The following LAMC3 variants were observed in gnomAD, a reference collection of about 807,000 sequenced individuals.
LAMC3 encodes the protein laminin subunit gamma-3.
In LAMC3, 128 loss-of-function variants were observed where a neutral mutation model predicts 173.8. The ratio of observed to expected loss-of-function variants is 0.74; its 90% CI spans 0.64 to 0.85. The LOEUF is 0.85. Among genes scored for constraint, LAMC3 ranks in the 40% least tolerant of loss-of-function variants. LAMC3 has a pLI of 0.00. For synonymous variants in LAMC3, 897 were observed against 909.1 expected, an observed-to-expected ratio of 0.99 and a Z score of 0.24; for missense variants, 2,022 against 2,156.0, an observed-to-expected ratio of 0.94 and a Z score of 1.23.
At chr9:131,062,570 A>G (rs2133302173) in intron 13 of LAMC3, among the ~76,000 whole-genome samples, 1 of 151,672 alleles carries the variant, frequency 6.6e-6, no homozygotes, top group East Asian at 2.0e-4. Context: ...AACCGTACCC[A>G]TCAAATGTGT....
rs776415186 is a variant in LAMC3 at position 131,026,569 on chromosome 9, G to A, written c.658G>A (p.Glu220Lys). The A allele has an allele frequency of 1.6e-5, 25 of 1,601,658 alleles. No homozygotes were observed. The highest frequency in any genetic ancestry group is 2.2e-5 in the South Asian group (2 of 89,896). The change falls in exon 2 of 28, where the codon GAG (glutamate) becomes AAG (lysine). Residue 220 changes from glutamate (E) to lysine (K), a missense_variant. Physicochemically the swap from Glu to Lys is moderately conservative, Grantham distance 56. Transcript: ENST00000361069. This position sits in a 1 kb window ranked among gnomAD's most constrained non-coding sequence, Gnocchi z 4.8. ...LEGRPSAYNF[E>K]ESPGLQEWVT... The stretch of plus-strand genomic sequence containing the variant: ...GGGCCGGCCCAGCGCCTACAACTTC[G>A]AGGAGAGCCCTGGGCTGCAGGTCAG...
chr9:131,089,544 A>ATTT lies in LAMC3; in HGVS notation c.4477+1745_4477+1747dup, dbSNP rs59946569. Among the ~76,000 whole-genome samples the ATTT allele has an allele frequency of 2.8e-4, 39 of 139,188 alleles. 1 individual carries two copies. In the South Asian group the frequency reaches 8.1e-3, roughly 29 times the overall value. 91.3% of individuals were successfully genotyped at this position (139,188 alleles called of 152,430 possible). A position where few individuals can be genotyped will look rare whatever the true frequency, so the allele number is the denominator to read the frequency against. ...AGGCACGCACCACCACACCCAGCTA[A>ATTT]TTTTTTTTTTTTTTTTTTTTGGAGA... On this transcript the variant is annotated intron_variant, in intron 27 of 27. Transcript: ENST00000361069.
At chr9:131,037,365 C>T (rs1268848394) in intron 4 of LAMC3, among the ~76,000 whole-genome samples, 2 of 152,200 alleles carry the variant, frequency 1.3e-5, no homozygotes, top group African/African-American at 2.4e-5. Flanking sequence ...CCCTGAATTC[C>T]GCCTCATCCA....
At chr9:131,036,397 C>T in intron 4 of LAMC3, 65 bp downstream of exon 4, 1 of 1,583,058 alleles carries the variant, frequency 6.3e-7, no homozygotes, top group South Asian at 1.1e-5. Context: ...GGGAAAGGAA[C>T]TCCCCAAAAC....
rs149004188 is a variant in LAMC3, at chr9:131,038,906, G to A, written c.1019G>A (p.Arg340Gln). 1.2e-4 allele frequency: 194 copies of A among 1,613,352 alleles called. No individual in the cohort carries two copies. The East Asian group carries it at 1.7e-3, about 14-fold the overall frequency. ...SGRSEECTFD[R>Q]ELFRSTGHGG... Reference sequence around the variant, plus strand: ...CGCTCCGAGGAATGCACGTTTGATCGGGAGCTCTTCCGCAGCACAGGCCAC... The same window carrying A: ...CGCTCCGAGGAATGCACGTTTGATCAGGAGCTCTTCCGCAGCACAGGCCAC... The change falls in exon 5 of 28, where the codon CGG (arginine) becomes CAG (glutamine). Residue 340 changes from arginine (R) to glutamine (Q), a missense_variant. By Grantham distance (43) the Arg-to-Gln change is conservative. Coordinates refer to ENST00000361069, the MANE Select transcript of LAMC3 (RefSeq NM_006059.4).
At chr9:131,091,010 G>A (rs1463504021) in intron 27 of LAMC3, among the ~76,000 whole-genome samples, 1 of 152,202 alleles carries the variant, frequency 6.6e-6, no homozygotes, top group African/African-American at 2.4e-5. Context: ...AACAGAGCGA[G>A]ACTCCGTCTC....
chr9:131,057,398 T>C (rs1333092830), intron 12 of LAMC3, among the ~76,000 whole-genome samples: 9 of 152,214 alleles, frequency 5.9e-5, no homozygotes, highest in Admixed American at 5.2e-4. Flanking sequence ...GTGATAACCA[T>C]AAGCCAGCTG....
intron 7 of LAMC3, among the ~76,000 whole-genome samples, chr9:131,044,871 C>T (rs892160363): frequency 5.3e-5 from 8 of 152,146 alleles, no homozygotes; most frequent in Admixed American, 5.2e-4. Flanking sequence ...AATGCAACAC[C>T]GTGTCCTGGA....
rs1342470381 is a variant in LAMC3, at chr9:131,057,017, C to T, written c.2028C>T (p.Pro676=). The T allele has an allele frequency of 6.2e-7, 1 of 1,614,130 alleles. No homozygotes were observed. Among genetic ancestry groups the T allele is most frequent in the Non-Finnish European group, 8.5e-7 (1 of 1,180,030 alleles). ...CCTGGGTGGAGATTTGTTCATGTCC[C>T]ACTGGCTACACGGGCCAGTTCTGTG... ...PASWVEICSC[P]TGYTGQFCES... is the part of the protein sequence containing the mutation. Residue 676 remains proline, a synonymous_variant, in exon 12 of 28, where the codon CCC becomes CCT. Transcript: ENST00000361069.
At chr9:131,089,804 G>A (rs899179842) in intron 27 of LAMC3, among the ~76,000 whole-genome samples, 2 of 152,048 alleles carry the variant, frequency 1.3e-5, no homozygotes, top group Non-Finnish European at 2.9e-5. Flanking sequence ...GAATTGCCAT[G>A]CTCTACACGT....
chr9:131,067,109 C>T lies in LAMC3; in HGVS notation c.2497C>T (p.Arg833Cys), dbSNP rs375538194. 14 of 1,614,046 alleles carry T rather than the reference C, an allele frequency of 8.7e-6. No individual in the cohort carries two copies. The highest frequency in any genetic ancestry group is 2.2e-5 in the South Asian group (2 of 91,092). Reference protein sequence around the residue: ...NCDPLSGHCLRCLHNTTGDHC... With the variant: ...NCDPLSGHCLCCLHNTTGDHC... ...TGACCCCCTGTCTGGCCACTGCCTG[C>T]GCTGCCTGCACAACACCACGGGTGA... Residue 833 changes from arginine (R) to cysteine (C), a missense_variant, in exon 14 of 28, where the codon CGC (arginine) becomes TGC (cysteine). Coordinates refer to ENST00000361069, the MANE Select transcript of LAMC3 (RefSeq NM_006059.4).
chr9:131,087,450 C>T (rs759073507), intron 25 of LAMC3, 26 bp from the exon 26 acceptor site: 11 of 1,613,540 alleles, frequency 6.8e-6, no homozygotes, highest in Middle Eastern at 3.3e-4. Flanking sequence ...CACTTCTTCT[C>T]CCTGCCACTG....
In LAMC3 at chr9:131,068,965, G is replaced by T. The variant is rs372019403; in HGVS notation, c.2805G>T (p.Gln935His). Reference sequence around the variant, plus strand: ...ACCAGTGCCATCCCAAGACTGGACAGTGCACCTGCCGCCCAGGTGTCACAG... The same window carrying T: ...ACCAGTGCCATCCCAAGACTGGACATTGCACCTGCCGCCCAGGTGTCACAG... Reference protein sequence around the residue: ...QEDQCHPKTGQCTCRPGVTGQ... With the variant: ...QEDQCHPKTGHCTCRPGVTGQ... The change falls in exon 16 of 28, where the codon CAG becomes CAT. Residue 935 changes from glutamine to histidine, a missense_variant. By Grantham distance (24) the Gln-to-His change is conservative. Coordinates refer to ENST00000361069, the MANE Select transcript of LAMC3 (RefSeq NM_006059.4). The T allele has an allele frequency of 1.5e-5, 25 of 1,613,978 alleles. No homozygotes were observed. The highest frequency in any genetic ancestry group is 2.7e-5 in the African/African-American group (2 of 74,924).
intron 11 of LAMC3, among the ~76,000 whole-genome samples, chr9:131,056,239 G>C (rs1199473657): frequency 1.3e-5 from 2 of 152,008 alleles, no homozygotes; most frequent in Admixed American, 6.6e-5. Context: ...TAAAACCTTA[G>C]AAATAGACCT....
intron 3 of LAMC3, among the ~76,000 whole-genome samples, chr9:131,034,758 C>T (rs1240585750): frequency 2.0e-5 from 3 of 152,328 alleles, no homozygotes; most frequent in South Asian, 4.1e-4. Flanking sequence ...GTGGTCGGGA[C>T]AGGGACAATC....
intron 4 of LAMC3, among the ~76,000 whole-genome samples, chr9:131,037,168 C>A (rs1260350174): frequency 6.6e-6 from 1 of 152,206 alleles, no homozygotes; most frequent in Admixed American, 6.5e-5. Context: ...GCCAAGGAAG[C>A]TGTGCTGGCT....
intron 7 of LAMC3, among the ~76,000 whole-genome samples, chr9:131,043,960 CTTTT>C (rs71389386): frequency 6.7e-5 from 9 of 134,032 alleles, no homozygotes; most frequent in African/African-American, 1.9e-4. Flanking sequence ...TGACTTGCTG[CTTTT>C]TTTTTTTTTT....
At chr9:131,011,782 C>T (rs919403811) in intron 1 of LAMC3, among the ~76,000 whole-genome samples, 2 of 152,010 alleles carry the variant, frequency 1.3e-5, no homozygotes, top group African/African-American at 4.8e-5. Context: ...TGCTCCATGA[C>T]AAAGGGTATC....
intron 6 of LAMC3, among the ~76,000 whole-genome samples, chr9:131,040,615 G>A (rs1056634487): frequency 6.6e-6 from 1 of 152,160 alleles, no homozygotes; most frequent in Non-Finnish European, 1.5e-5. Context: ...GCATAAAACT[G>A]ACCATGAGAT....
Sources: gnomAD v4.1 joint callset for allele counts (sites outside exome capture counted in the v4.1 genomes callset) on GRCh38, gnomAD v4.1.1 for gene constraint, Gnocchi (gnomAD v3.1) non-coding constraint, MANE v1.5 for transcripts, NCBI Gene and HGNC (gene_info 2026-07-23, HGNC 2026-07-21) for gene names.